Variants in FAM13A observed in about 807,000 individuals in gnomAD.
FAM13A encodes protein FAM13A.
In FAM13A, 76 loss-of-function variants were observed where a neutral mutation model predicts 129.6. The observed-to-expected ratio is 0.59, with a 90% confidence interval of 0.49 to 0.71. The LOEUF is 0.71. Ranked by LOEUF, FAM13A falls within the 30% of genes least tolerant of loss-of-function variation. The pLI is 0.00. For synonymous variants in FAM13A, 443 were observed against 449.9 expected (o/e 0.98, Z 0.20); for missense variants, 1,108 against 1,249.3 (o/e 0.89, Z 1.70).
intron 1 of FAM13A, among the ~76,000 whole-genome samples, chr4:89,041,766 C>T (rs1770172316): frequency 6.6e-6 from 1 of 151,878 alleles, no homozygotes; most frequent in African/African-American, 2.4e-5. Flanking sequence ...ACTAAAAATA[C>T]AAAAATTAGC....
chr4:88,838,975 T>C (rs1269613207), intron 7 of FAM13A, among the ~76,000 whole-genome samples: 1 of 152,192 alleles, frequency 6.6e-6, no homozygotes, highest in Admixed American at 6.5e-5. Flanking sequence ...CCCTTCTTTG[T>C]GTTTTTTTCA....
At chr4:88,837,502 G>C (rs1351599723) in intron 7 of FAM13A, among the ~76,000 whole-genome samples, 1 of 151,050 alleles carries the variant, frequency 6.6e-6, no homozygotes, top group Admixed American at 6.6e-5. Context: ...GATCACCTGA[G>C]GTTGGGAGTT....
At chr4:88,747,939 G>A (rs1741717257) in intron 17 of FAM13A, 88 bp from the exon 18 acceptor site, 2 of 920,724 alleles carry the variant, frequency 2.2e-6, no homozygotes, top group South Asian at 1.7e-5. Context: ...GCCCAGGTTG[G>A]AGTGCAGTGG....
chr4:88,882,085 T>C (rs1435688524), intron 6 of FAM13A, among the ~76,000 whole-genome samples: 2 of 152,194 alleles, frequency 1.3e-5, no homozygotes, highest in Non-Finnish European at 2.9e-5. Flanking sequence ...AAAACTTCCC[T>C]GGCCTTGCTA....
At chr4:88,973,982 C>T (rs542576773) in intron 4 of FAM13A, among the ~76,000 whole-genome samples, 3 of 152,250 alleles carry the variant, frequency 2.0e-5, no homozygotes, top group African/African-American at 7.2e-5. Flanking sequence ...GCAGGTTAGG[C>T]TCTGGTTAAA....
At chr4:88,955,947 A>G (rs1199983454) in intron 4 of FAM13A, among the ~76,000 whole-genome samples, 1 of 152,242 alleles carries the variant, frequency 6.6e-6, no homozygotes, top group African/African-American at 2.4e-5. Context: ...ACAACTTTGC[A>G]TAAGTAGCAA....
chr4:88,738,348 A>T (rs1489822061), intron 20 of FAM13A, among the ~76,000 whole-genome samples: 3 of 152,104 alleles, frequency 2.0e-5, no homozygotes, highest in Admixed American at 6.5e-5. Flanking sequence ...AGAACACCCT[A>T]CTCATAAGCT....
rs533356834 is a variant in FAM13A at position 88,966,538 on chromosome 4, T to C, written c.605+24435A>G. On this transcript the variant is annotated intron_variant, in intron 4 of 23. Transcript: ENST00000264344. Reference sequence around the variant, plus strand: ...CCTGGAGGTTGGACTATCCTAAATATGCCCAACAGAAAGCTATTTTATTTT... The same window carrying C: ...CCTGGAGGTTGGACTATCCTAAATACGCCCAACAGAAAGCTATTTTATTTT... 2.0e-5 allele frequency among the ~76,000 whole-genome samples: 3 copies of C among 152,340 alleles called. No individual in the cohort carries two copies. In the South Asian group the frequency reaches 6.2e-4, roughly 32 times the overall value.
chr4:88,981,391 T>C (rs1029982642), intron 4 of FAM13A, among the ~76,000 whole-genome samples: 1 of 152,218 alleles, frequency 6.6e-6, no homozygotes, highest in Non-Finnish European at 1.5e-5. Context: ...GATTTTTAAA[T>C]ACACTCTAAA....
chr4:88,923,336 T>C lies in FAM13A; in HGVS notation c.759+14752A>G, dbSNP rs1751462399. On this transcript the variant is annotated intron_variant, in intron 5 of 23. Transcript: ENST00000264344. The stretch of plus-strand genomic sequence containing the variant: ...CTGGCAAACCGAATTCAGCAGCACA[T>C]CAAAAAGCTTATCCACCATGATCAA... Among the ~76,000 whole-genome samples, 5 of 152,256 alleles carry C rather than the reference T, an allele frequency of 3.3e-5. No individual in the cohort carries two copies. In the South Asian group the frequency reaches 1.0e-3, roughly 32 times the overall value.
chr4:88,836,920 A>G (rs1734913076), intron 7 of FAM13A, among the ~76,000 whole-genome samples: 1 of 152,002 alleles, frequency 6.6e-6, no homozygotes, highest in African/African-American at 2.4e-5. Flanking sequence ...AGATTGTGCC[A>G]CTGCACTCCA....
chr4:88,751,136 G>T (rs1742515016), intron 14 of FAM13A, among the ~76,000 whole-genome samples: 1 of 152,184 alleles, frequency 6.6e-6, no homozygotes, highest in East Asian at 1.9e-4. Flanking sequence ...CAGCTACTGG[G>T]GAGGCTGAGG....
intron 3 of FAM13A, among the ~76,000 whole-genome samples, chr4:89,000,937 T>C (rs1386730676): frequency 6.6e-6 from 1 of 152,264 alleles, no homozygotes; most frequent in East Asian, 1.9e-4. Flanking sequence ...TTAACAAATG[T>C]ACATATGCAC....
chr4:88,751,636 C>T (rs1309251706), intron 14 of FAM13A, among the ~76,000 whole-genome samples: 1 of 151,252 alleles, frequency 6.6e-6, no homozygotes, highest in Non-Finnish European at 1.5e-5. Flanking sequence ...ACACGCTCAG[C>T]ACAAAATCTT....
intron 7 of FAM13A, among the ~76,000 whole-genome samples, chr4:88,835,693 C>A (rs1019609344): frequency 1.1e-4 from 17 of 151,832 alleles, no homozygotes; most frequent in Non-Finnish European, 5.9e-5. Flanking sequence ...GAACGTGCAA[C>A]CTAGATCCCT....
chr4:88,827,486 T>G (rs1156938685), intron 7 of FAM13A, among the ~76,000 whole-genome samples: 1 of 152,202 alleles, frequency 6.6e-6, no homozygotes. Context: ...TATAGAATAG[T>G]GCCTGGCAAA....
At chr4:88,767,746 AAATT>A (rs1466583690) in intron 12 of FAM13A, 151 bp from the exon 13 acceptor site, 26 of 717,334 alleles carry the variant, frequency 3.6e-5, no homozygotes, top group Non-Finnish European at 5.5e-5. Context: ...ACAAAACAAA[AAATT>A]AATCAAAACA....
chr4:89,018,599 C>A (rs1034588303), intron 3 of FAM13A, among the ~76,000 whole-genome samples: 1 of 152,206 alleles, frequency 6.6e-6, no homozygotes, highest in Non-Finnish European at 1.5e-5. Flanking sequence ...TGAGACCAAA[C>A]CCAGGTCTGG....
At chr4:88,961,386 G>T (rs867063602) in intron 4 of FAM13A, among the ~76,000 whole-genome samples, 372 of 15,790 alleles carry the variant, frequency 0.024, 2 homozygotes, top group Non-Finnish European at 0.039. Flanking sequence ...TTTTTTTTTT[G>T]AGACTGAGTC....
Sources: gnomAD v4.1 joint callset for allele counts (sites outside exome capture counted in the v4.1 genomes callset) on GRCh38, gnomAD v4.1.1 for gene constraint, MANE v1.5 for transcripts, NCBI Gene and HGNC (gene_info 2026-07-23, HGNC 2026-07-21) for gene names.